The following EPHA4 variants were observed in gnomAD, a reference collection of about 807,000 sequenced individuals.
EPHA4 encodes the protein ephrin type-A receptor 4.
A neutral mutation model predicts 108.3 loss-of-function variants in EPHA4; 19 were observed. That is an observed-to-expected ratio of 0.18 (90% CI 0.12 to 0.26). The LOEUF (loss-of-function observed/expected upper bound fraction) is 0.26. Ranked by LOEUF, EPHA4 falls within the 10% of genes least tolerant of loss-of-function variation. The pLI, the probability that EPHA4 is intolerant of heterozygous loss-of-function variation, is 1.00. For missense variants in EPHA4, 917 were observed against 1,254.0 expected, an observed-to-expected ratio of 0.73 and a Z score of 4.06; for synonymous variants, 449 against 455.5, an observed-to-expected ratio of 0.99 and a Z score of 0.18.
chr2:221,508,873 T>C (rs1394280356), intron 3 of EPHA4, among the ~76,000 whole-genome samples: 1 of 146,842 alleles, frequency 6.8e-6, no homozygotes, highest in East Asian at 2.1e-4. Context: ...CTCACATCAA[T>C]ATTGTGAACT....
At chr2:221,480,037 A>C (rs1691769619) in intron 5 of EPHA4, among the ~76,000 whole-genome samples, 1 of 151,912 alleles carries the variant, frequency 6.6e-6, no homozygotes, top group East Asian at 1.9e-4. Flanking sequence ...TTAAAATAAA[A>C]CTTCATCCCA....
At chr2:221,525,652 A>T (rs1003295864) in intron 3 of EPHA4, among the ~76,000 whole-genome samples, 5 of 152,194 alleles carry the variant, frequency 3.3e-5, no homozygotes, top group Non-Finnish European at 5.9e-5. Flanking sequence ...GGTTGATATT[A>T]AGTGAGGAAT....
intron 4 of EPHA4, among the ~76,000 whole-genome samples, chr2:221,492,021 G>C (rs113536866): frequency 6.6e-6 from 1 of 151,838 alleles, no homozygotes; most frequent in East Asian, 1.9e-4. Flanking sequence ...AAAAAAAGAA[G>C]ATACCCCGTT....
chr2:221,446,161 G>T lies in EPHA4; in HGVS notation c.1736C>A (p.Ala579Asp). Residue 579 changes from alanine (A) to aspartate (D), a missense_variant, in exon 9 of 18, where the codon GCC (alanine) becomes GAC (aspartate). Transcript: ENST00000281821. Reference protein sequence around the residue: ...ISRRRSKYSKAKQEADEEKHL... With the variant: ...ISRRRSKYSKDKQEADEEKHL... ...TTTCTCTTCATCCGCTTCTTGTTTG[G>T]CTTTACTGTATTTACTCCGTCTATT... 4 of 1,543,816 alleles carry T rather than the reference G, an allele frequency of 2.6e-6. No individual in the cohort carries two copies. The highest frequency in any genetic ancestry group is 1.3e-5 in the South Asian group (1 of 77,748).
At chr2:221,570,606 C>G (rs911409144) in intron 1 of EPHA4, among the ~76,000 whole-genome samples, 2 of 152,218 alleles carry the variant, frequency 1.3e-5, no homozygotes, top group Admixed American at 6.5e-5. Context: ...GTATAAATCT[C>G]TCAGAGCCTC....
chr2:221,531,631 G>A (rs1161473862), intron 3 of EPHA4, among the ~76,000 whole-genome samples: 1 of 151,830 alleles, frequency 6.6e-6, no homozygotes, highest in Admixed American at 6.6e-5. Flanking sequence ...TTCTTCATTG[G>A]TGTAGTATCT....
At chr2:221,440,526 T>A (rs1450228902) in intron 11 of EPHA4, among the ~76,000 whole-genome samples, 1 of 151,642 alleles carries the variant, frequency 6.6e-6, no homozygotes, top group Non-Finnish European at 1.5e-5. Context: ...AAAACTAATC[T>A]CAAAAAGCAA....
At chr2:221,445,938 C>T (rs2106108672) in intron 9 of EPHA4, among the ~76,000 whole-genome samples, 185 bp downstream of exon 9, 1 of 152,210 alleles carries the variant, frequency 6.6e-6, no homozygotes, top group South Asian at 2.1e-4. Context: ...CATCCCACAT[C>T]TTTAATCTCA....
intron 3 of EPHA4, among the ~76,000 whole-genome samples, chr2:221,529,151 A>C (rs1030336731): frequency 6.6e-6 from 1 of 152,170 alleles, no homozygotes; most frequent in African/African-American, 2.4e-5. Flanking sequence ...TAAATTTTCT[A>C]TAATTTACAT....
At chr2:221,431,973 T>A (rs1017517410) in intron 14 of EPHA4, among the ~76,000 whole-genome samples, 2 of 152,106 alleles carry the variant, frequency 1.3e-5, no homozygotes, top group Admixed American at 6.5e-5. Context: ...CCAGATACAT[T>A]TCCTATTGAT....
At chr2:221,551,700 CT>C (rs1694165922) in intron 3 of EPHA4, among the ~76,000 whole-genome samples, 1 of 152,128 alleles carries the variant, frequency 6.6e-6, no homozygotes. Flanking sequence ...GTTAAGTACA[CT>C]AGCCATTCTT....
At chr2:221,441,771 C>A (rs962674104) in intron 11 of EPHA4, among the ~76,000 whole-genome samples, 1 of 151,958 alleles carries the variant, frequency 6.6e-6, no homozygotes, top group African/African-American at 2.4e-5. Flanking sequence ...AGCTCGGTGG[C>A]CAAGCAAAAC....
chr2:221,427,736 A>C (rs1345119164), intron 15 of EPHA4, among the ~76,000 whole-genome samples: 2 of 152,214 alleles, frequency 1.3e-5, no homozygotes, highest in Non-Finnish European at 2.9e-5. Flanking sequence ...CTAAATTTTC[A>C]ACCAAAAAAC....
chr2:221,564,128 A>T lies in EPHA4; in HGVS notation c.426T>A (p.Phe142Leu). ...DKERFIRENQ[F>L]VKIDTIAADE... ...CAGCAGCAATGGTGTCAATTTTGAC[A>T]AACTGGTTCTCTCTGATGAAACGCT... Residue 142 changes from phenylalanine (F) to leucine (L), a missense_variant, in exon 3 of 18, where the codon TTT (phenylalanine) becomes TTA (leucine). Phe to Leu is a conservative substitution (Grantham distance 22, BLOSUM62 0). Transcript: ENST00000281821. 1 of 1,614,182 alleles carries T rather than the reference A, an allele frequency of 6.2e-7. No individual in the cohort carries two copies. Among genetic ancestry groups the T allele is most frequent in the South Asian group, 1.1e-5 (1 of 91,074 alleles).
At chr2:221,457,259 C>T (rs1690987725) in intron 6 of EPHA4, among the ~76,000 whole-genome samples, 2 of 152,150 alleles carry the variant, frequency 1.3e-5, no homozygotes, top group South Asian at 4.1e-4. Context: ...TGTTCATTTT[C>T]TAGACAACCT....
At chr2:221,467,996 T>C (rs892397096) in intron 5 of EPHA4, among the ~76,000 whole-genome samples, 2 of 152,180 alleles carry the variant, frequency 1.3e-5, no homozygotes, top group Middle Eastern at 3.4e-3. Flanking sequence ...GGTAAGAAAA[T>C]GGGGTGAAAC....
chr2:221,537,342 C>T (rs1027763670), intron 3 of EPHA4, among the ~76,000 whole-genome samples: 12 of 152,254 alleles, frequency 7.9e-5, no homozygotes, highest in Admixed American at 3.3e-4. Flanking sequence ...TAGTCTGTTA[C>T]TTTGCAATCA....
intron 12 of EPHA4, among the ~76,000 whole-genome samples, 173 bp downstream of exon 12, chr2:221,436,888 G>A (rs1432419114): frequency 2.0e-5 from 3 of 152,100 alleles, no homozygotes; most frequent in Non-Finnish European, 2.9e-5. Flanking sequence ...TACCCTCGTT[G>A]AACATGGATT....
At chr2:221,437,163 G>C in intron 11 of EPHA4, 41 bp from the exon 12 acceptor site, 3 of 1,448,236 alleles carry the variant, frequency 2.1e-6, no homozygotes, top group Non-Finnish European at 2.9e-6. Context: ...TTTGATGAGC[G>C]CTGCACTTAA....
Sources: gnomAD v4.1 joint callset for allele counts (sites outside exome capture counted in the v4.1 genomes callset) on GRCh38, gnomAD v4.1.1 for gene constraint, MANE v1.5 for transcripts, NCBI Gene and HGNC (gene_info 2026-07-23, HGNC 2026-07-21) for gene names.